Variants in ERGIC2 observed in about 807,000 individuals in gnomAD.
The protein encoded by ERGIC2 is ERGIC and golgi 2.
In ERGIC2, 31 loss-of-function variants were observed where a neutral mutation model predicts 52.5. The observed-to-expected ratio is 0.59, with a 90% CI of 0.44 to 0.80. ERGIC2 has a LOEUF of 0.80. Ranked by LOEUF, ERGIC2 falls within the 30% of genes least tolerant of loss-of-function variation. ERGIC2 has a pLI of 0.00. For synonymous variants in ERGIC2, 129 were observed against 140.6 expected, an observed-to-expected ratio of 0.92 and a Z score of 0.58; for missense variants, 395 against 455.2, an observed-to-expected ratio of 0.87 and a Z score of 1.20.
At chr12:29,349,976 G>C (rs1419872264) in intron 9 of ERGIC2, 37 bp downstream of exon 9, 1 of 1,348,112 alleles carries the variant, frequency 7.4e-7, no homozygotes, top group African/African-American at 1.5e-5. Flanking sequence ...ATTTTTTCAA[G>C]TACATCTTTA....
At chr12:29,380,071 A>T (rs1202031062) in intron 1 of ERGIC2, among the ~76,000 whole-genome samples, 2 of 140,400 alleles carry the variant, frequency 1.4e-5, no homozygotes, top group Admixed American at 7.0e-5. Flanking sequence ...AAAAAAAAAA[A>T]AATCCTCCTC....
chr12:29,368,030 T>A (rs905067216), intron 4 of ERGIC2, among the ~76,000 whole-genome samples: 1 of 151,844 alleles, frequency 6.6e-6, no homozygotes, highest in Non-Finnish European at 1.5e-5. Flanking sequence ...ATTATACTAA[T>A]GTGAAAGTTT....
intron 10 of ERGIC2, among the ~76,000 whole-genome samples, chr12:29,346,835 G>A (rs944814676): frequency 1.3e-5 from 2 of 152,024 alleles, no homozygotes; most frequent in Non-Finnish European, 2.9e-5. Flanking sequence ...TTAATTCTCC[G>A]GGTCTAGAGA....
At chr12:29,355,488 C>T (rs1940190346) in intron 8 of ERGIC2, among the ~76,000 whole-genome samples, 1 of 152,064 alleles carries the variant, frequency 6.6e-6, no homozygotes, top group African/African-American at 2.4e-5. Flanking sequence ...TTCAGTTCAG[C>T]ACTCTATATG....
chr12:29,342,087 A>G (rs903140671), intron 12 of ERGIC2, among the ~76,000 whole-genome samples: 2 of 151,972 alleles, frequency 1.3e-5, no homozygotes, highest in Admixed American at 6.6e-5. Flanking sequence ...ATCTTGGCTC[A>G]CTGCAACCTC....
Position 29,343,273 on chromosome 12 carries a change from T to A in ERGIC2, c.835A>T (p.Ile279Phe). 1 of 1,585,154 alleles carries A rather than the reference T, an allele frequency of 6.3e-7. No homozygotes were observed. Among genetic ancestry groups the A allele is most frequent in the African/African-American group, 1.4e-5 (1 of 73,944 alleles). ...QFSVTERERI[I>F]NHAAGSHGVS... ...CCATGGCTGCCTGCAGCATGGTTAA[T>A]GATACGTTCCTAAAAGGGAGGCAAA... The change falls in exon 12 of 14, where the codon ATT (isoleucine) becomes TTT (phenylalanine). Residue 279 changes from isoleucine to phenylalanine, a missense_variant. Transcript: ENST00000360150.
At chr12:29,350,713 T>C (rs182096649) in intron 8 of ERGIC2, among the ~76,000 whole-genome samples, 4 of 152,186 alleles carry the variant, frequency 2.6e-5, no homozygotes, top group African/African-American at 9.6e-5. Flanking sequence ...GTGAAATGAA[T>C]TTGAAACATG....
At chr12:29,362,205 T>C (rs750875389) in intron 5 of ERGIC2, among the ~76,000 whole-genome samples, 1 of 152,200 alleles carries the variant, frequency 6.6e-6, no homozygotes, top group Admixed American at 6.5e-5. Context: ...AAAGTTAGAC[T>C]TGGCTACTTG....
chr12:29,353,098 T>C (rs1940155236), intron 8 of ERGIC2, among the ~76,000 whole-genome samples: 1 of 152,232 alleles, frequency 6.6e-6, no homozygotes. Flanking sequence ...GTTCTATGTG[T>C]TACCTAGCAA....
intron 6 of ERGIC2, among the ~76,000 whole-genome samples, chr12:29,358,020 T>A (rs747578628): frequency 6.6e-5 from 10 of 152,182 alleles, no homozygotes; most frequent in Non-Finnish European, 1.0e-4. Context: ...TCTCAATTCA[T>A]CTTTCATGCA....
intron 1 of ERGIC2, among the ~76,000 whole-genome samples, chr12:29,378,457 TC>T (rs1447075652): frequency 6.6e-6 from 1 of 152,200 alleles, no homozygotes; most frequent in Non-Finnish European, 1.5e-5. Context: ...ATTCAGGCCA[TC>T]GCTGAATATC....
intron 4 of ERGIC2, 90 bp downstream of exon 4, chr12:29,368,151 A>C: frequency 1.2e-6 from 1 of 802,410 alleles, no homozygotes; most frequent in Non-Finnish European, 2.1e-6. Context: ...TAAAGGAAAA[A>C]TAAAGTACAA....
rs567181453 is a variant in ERGIC2, at chr12:29,357,050, C to T, written c.476+573G>A. 6.9e-4 allele frequency among the ~76,000 whole-genome samples: 104 copies of T among 151,632 alleles called. No individual in the cohort carries two copies. The South Asian group carries it at 0.02, about 29-fold the overall frequency. ...TGGTGCAATCTTGGCTCACTGTAAC[C>T]CCGCCTCCTGGGTTCAAGCTATTCT... On this transcript the variant is annotated intron_variant, in intron 7 of 13. Coordinates refer to ENST00000360150, the MANE Select transcript of ERGIC2 (RefSeq NM_016570.3).
In ERGIC2 at chr12:29,356,362, A is replaced by C. The variant is rs1940204888; in HGVS notation, c.572+20T>G. ...CTCCAACTTTGTCTAAAGTATTTTC[A>C]GTAAGTGAAAAGAACATACTTGCCC... is the stretch of plus-strand genomic sequence containing the variant. On this transcript the variant is annotated intron_variant, in intron 8 of 13. Coordinates refer to ENST00000360150, the MANE Select transcript of ERGIC2 (RefSeq NM_016570.3). 1 of 1,353,802 alleles carries C rather than the reference A, an allele frequency of 7.4e-7. No individual in the cohort carries two copies. The highest frequency in any genetic ancestry group is 1.2e-5 in the South Asian group (1 of 85,136). 83.9% of individuals were successfully genotyped at this position (1,353,802 alleles called of 1,614,324 possible).
intron 1 of ERGIC2, among the ~76,000 whole-genome samples, chr12:29,375,957 T>A (rs1048087916): frequency 1.1e-4 from 16 of 152,220 alleles, no homozygotes; most frequent in African/African-American, 3.9e-4. Context: ...ATCCAATAAC[T>A]TCTAGCTTTT....
chr12:29,350,129 C>G (rs1940111848), intron 8 of ERGIC2, 61 bp from the exon 9 acceptor site: 1 of 957,652 alleles, frequency 1.0e-6, no homozygotes, highest in Non-Finnish European at 1.6e-6. Context: ...TAATTAAAAT[C>G]AGAAACTGGA....
At chr12:29,360,675 T>C (rs1426188409) in intron 6 of ERGIC2, among the ~76,000 whole-genome samples, 1 of 148,868 alleles carries the variant, frequency 6.7e-6, no homozygotes, top group Non-Finnish European at 1.5e-5. Context: ...CAGAAATATA[T>C]ATAATATACA....
chr12:29,352,697 T>G (rs1940149379), intron 8 of ERGIC2, among the ~76,000 whole-genome samples: 2 of 151,924 alleles, frequency 1.3e-5, no homozygotes, highest in Non-Finnish European at 2.9e-5. Flanking sequence ...TAAACAAAAT[T>G]TAAAAGCCCT....
Position 29,341,186 on chromosome 12 carries a change from GTGGT to G in ERGIC2, c.1100_1103del (p.Asn367ThrfsTer5). On this transcript the variant is annotated frameshift_variant, in exon 14 of 14. Coordinates refer to ENST00000360150, the MANE Select transcript of ERGIC2 (RefSeq NM_016570.3). LOFTEE classifies it high-confidence loss of function. ...GTGTATTATTTTCTAAAAGAGGTAA[GTGGT>G]TGTCTGTGTGGCCATCCTCAAAAGG... 6.2e-7 allele frequency: 1 copy of G among 1,609,998 alleles called. No individual in the cohort carries two copies. Among genetic ancestry groups the G allele is most frequent in the Non-Finnish European group, 8.5e-7 (1 of 1,177,670 alleles).
Sources: gnomAD v4.1 joint callset for allele counts (sites outside exome capture counted in the v4.1 genomes callset) on GRCh38, gnomAD v4.1.1 for gene constraint, MANE v1.5 for transcripts, NCBI Gene and HGNC (gene_info 2026-07-23, HGNC 2026-07-21) for gene names.